The following ZBP1 variants were observed in gnomAD, a reference collection of about 807,000 sequenced individuals.
ZBP1 encodes the protein Z-DNA-binding protein 1.
In ZBP1, 42 loss-of-function variants were observed where a neutral mutation model predicts 41.1. That is an observed-to-expected ratio of 1.02 (90% CI 0.80 to 1.32). The LOEUF is 1.32. Ranked by LOEUF, ZBP1 falls within the 40% of genes most tolerant of loss-of-function variation. ZBP1 has a pLI of 0.00. For synonymous variants in ZBP1, 214 were observed against 205.2 expected (o/e 1.04, Z -0.37); for missense variants, 562 against 549.7 (o/e 1.02, Z -0.22).
At chr20:57,615,456 T>C in intron 3 of ZBP1, 56 bp downstream of exon 3, 1 of 1,580,686 alleles carries the variant, frequency 6.3e-7, no homozygotes, top group Non-Finnish European at 8.7e-7. Flanking sequence ...GGGCCTGGGG[T>C]TCCTGGGGAG....
At position 57,616,320 on chromosome 20, in the gene ZBP1, T is replaced by C; in HGVS notation, c.183A>G (p.Thr61=). 6.2e-7 allele frequency: 1 copy of C among 1,614,156 alleles called. No homozygotes were observed. Among genetic ancestry groups the C allele is most frequent in the Non-Finnish European group, 8.5e-7 (1 of 1,180,018 alleles). ...CGCCCAAGCACCAGGTGGCAGGGGA[T>C]GTGAGGGAGACTTTCAACTCCTTTT... ...RMKKELKVSL[T]SPATWCLGGT... The change falls in exon 2 of 8, where the codon ACA becomes ACG. Residue 61 remains threonine, a synonymous_variant. Coordinates refer to ENST00000371173, the MANE Select transcript of ZBP1 (RefSeq NM_030776.3).
In ZBP1 at chr20:57,620,117, T is replaced by C; in HGVS notation, c.34+145A>G. Reference sequence around the variant, plus strand: ...TCCCAAAGTGCTGGGATTACAGGCGTGAGCCACCACGCCCAGCTGGTCTAC... The same window carrying C: ...TCCCAAAGTGCTGGGATTACAGGCGCGAGCCACCACGCCCAGCTGGTCTAC... On this transcript the variant is annotated intron_variant, in intron 1 of 7. Coordinates refer to ENST00000371173, the MANE Select transcript of ZBP1 (RefSeq NM_030776.3). 14 of 1,001,270 alleles carry C rather than the reference T, an allele frequency of 1.4e-5. No individual in the cohort carries two copies. The South Asian group carries it at 2.0e-4, about 14-fold the overall frequency. The allele number at this position is 1,001,270 out of a possible 1,614,324, so 62.0% of individuals were successfully genotyped here. A position where few individuals can be genotyped will look rare whatever the true frequency, so the allele number is the denominator to read the frequency against.
chr20:57,612,037 G>T, intron 5 of ZBP1, 107 bp from the exon 6 acceptor site: 1 of 1,244,232 alleles, frequency 8.0e-7, no homozygotes, highest in Non-Finnish European at 1.1e-6. Context: ...GGACACCATC[G>T]AACTGGCGGC....
Position 57,611,930 on chromosome 20 carries a change from C to T in ZBP1, c.671G>A (p.Gly224Asp), listed in dbSNP as rs1277001831. Reference protein sequence around the residue: ...ITRQTVSREDGSAGPRHLPSM... With the variant: ...ITRQTVSREDDSAGPRHLPSM... ...AGGGAGGTGGCGTGGACCGGCGGAA[C>T]CTGGCAGGGGACAGTGGCACAGCCT... is the stretch of plus-strand genomic sequence containing the variant. The change falls in exon 6 of 8, where the codon GGT becomes GAT. Residue 224 changes from glycine (G) to aspartate (D), a missense_variant and splice_region_variant. Transcript: ENST00000371173. 2 of 1,554,698 alleles carry T rather than the reference C, an allele frequency of 1.3e-6. No individual in the cohort carries two copies. Among genetic ancestry groups the T allele is most frequent in the East Asian group, 4.8e-5 (2 of 41,260 alleles).
rs6123710 is a variant in ZBP1 at position 57,604,530 on chromosome 20, G to A, written c.*43C>T. On this transcript the variant is annotated 3_prime_UTR_variant, in exon 8 of 8. Transcript: ENST00000371173. Reference sequence around the variant, plus strand: ...CAGCAGGCTAGTCTCCCTAGCATGCGCCCACCCCCAGCCTGTGTCCAAGCC... The same window carrying A: ...CAGCAGGCTAGTCTCCCTAGCATGCACCCACCCCCAGCCTGTGTCCAAGCC... 0.35 allele frequency: 567,923 copies of A among 1,601,728 alleles called. 104,840 individuals are homozygous for A. The highest frequency in any genetic ancestry group is 0.51 in the East Asian group (22,954 of 44,710).
rs1258478732 is a variant in ZBP1, at chr20:57,614,883, C to T, written c.502+4G>A. On this transcript the variant is annotated splice_donor_region_variant and intron_variant, in intron 4 of 7. Transcript: ENST00000371173. ...AGCCCAGACACAGGCAGCCGGGGGC[C>T]TACCTGGGCGGTAAATCGTCCATGC... 2 of 1,614,022 alleles carry T rather than the reference C, an allele frequency of 1.2e-6. No individual in the cohort carries two copies. Among genetic ancestry groups the T allele is most frequent in the African/African-American group, 1.3e-5 (1 of 74,940 alleles).
intron 7 of ZBP1, among the ~76,000 whole-genome samples, chr20:57,605,104 T>A (rs2070462218): frequency 7.8e-6 from 1 of 127,472 alleles, no homozygotes; most frequent in Non-Finnish European, 1.8e-5. Flanking sequence ...AGCAATTTCC[T>A]CAAACAAAAC....
At chr20:57,605,558 C>T (rs904089067) in intron 7 of ZBP1, among the ~76,000 whole-genome samples, 2 of 152,202 alleles carry the variant, frequency 1.3e-5, no homozygotes, top group African/African-American at 2.4e-5. Context: ...TGTCACTGAT[C>T]AGCCATCTCC....
At chr20:57,605,804 C>A (rs2070480365) in intron 7 of ZBP1, among the ~76,000 whole-genome samples, 1 of 152,086 alleles carries the variant, frequency 6.6e-6, no homozygotes, top group Non-Finnish European at 1.5e-5. Flanking sequence ...CGTGGTGGTG[C>A]AGGTCTGTAA....
At chr20:57,619,130 C>T (rs778416841) in intron 1 of ZBP1, among the ~76,000 whole-genome samples, 10 of 152,232 alleles carry the variant, frequency 6.6e-5, no homozygotes, top group South Asian at 2.1e-4. Context: ...GGGCTGAGTC[C>T]GGAACCTGCG....
rs754746401 is a variant in ZBP1 at position 57,614,965 on chromosome 20, G to A, written c.424C>T (p.Arg142Ter). Residue 142 changes from arginine (R) to a stop codon, truncating the protein, a stop_gained, in exon 4 of 8, where the codon CGA becomes TGA. Transcript: ENST00000371173. LOFTEE classifies it high-confidence loss of function. ...LGMRTAKDVN[R>*]DLYRMKSRHL... ...CTGCTCTTCATCCTGTACAAGTCTC[G>A]GTTCACATCTTTTGCTGTCCTCATT... 1.8e-5 allele frequency: 29 copies of A among 1,614,048 alleles called. No homozygotes were observed. The highest frequency in any genetic ancestry group is 4.0e-5 in the African/African-American group (3 of 74,920).
In ZBP1 at chr20:57,610,006, T is replaced by TCTAGA. The variant is rs1175830638; in HGVS notation, c.1093+142_1093+143insTCTAG. 1.7e-4 allele frequency: 152 copies of TCTAGA among 913,956 alleles called. No homozygotes were observed. The African/African-American group carries it at 2.0e-3, about 12-fold the overall frequency. 56.6% of individuals were successfully genotyped at this position (913,956 alleles called of 1,614,324 possible). ...GCCTCCACGCTGACTCTAGAGCTGC[T>TCTAGA]GCTCCTCGCTGTGGGTGGGCACAGC... On this transcript the variant is annotated intron_variant, in intron 7 of 7. Coordinates refer to ENST00000371173, the MANE Select transcript of ZBP1 (RefSeq NM_030776.3). The surrounding 1 kb of genome is among the most constrained non-coding windows in gnomAD (Gnocchi z 5.5).
chr20:57,604,219 C>T lies in ZBP1; in HGVS notation c.*354G>A, dbSNP rs2070438651. ...TTTTGTTGGGACTCAAACATTCAAA[C>T]CACAGCAGGTAGCCATGATGGAAGG... is the stretch of plus-strand genomic sequence containing the variant. On this transcript the variant is annotated 3_prime_UTR_variant, in exon 8 of 8. Coordinates refer to ENST00000371173, the MANE Select transcript of ZBP1 (RefSeq NM_030776.3). 4 of 396,110 alleles carry T rather than the reference C, an allele frequency of 1.0e-5. No homozygotes were observed. The highest frequency in any genetic ancestry group is 8.2e-5 in the South Asian group (4 of 49,006). 24.5% of individuals were successfully genotyped at this position (396,110 alleles called of 1,614,324 possible). A position where few individuals can be genotyped will look rare whatever the true frequency, so the allele number is the denominator to read the frequency against.
Position 57,611,175 on chromosome 20 carries a change from T to C in ZBP1, c.874+552A>G, listed in dbSNP as rs533921363. On this transcript the variant is annotated intron_variant, in intron 6 of 7. Transcript: ENST00000371173. Reference sequence around the variant, plus strand: ...CCCAGCCTCTGCTTCTCTGCTCATTTTACAAATGAGGAAACTGAGGTTTCC... The same window carrying C: ...CCCAGCCTCTGCTTCTCTGCTCATTCTACAAATGAGGAAACTGAGGTTTCC... 7.6e-4 allele frequency among the ~76,000 whole-genome samples: 115 copies of C among 152,296 alleles called. 2 individuals are homozygous for C. Among genetic ancestry groups the C allele is most frequent in the Admixed American group, 3.5e-3 (53 of 15,300 alleles).
At chr20:57,607,431 G>A in intron 7 of ZBP1, 2 of 1,157,298 alleles carry the variant, frequency 1.7e-6, no homozygotes, top group Non-Finnish European at 2.2e-6. Context: ...AAAGAAAGTG[G>A]TTTCTTGAGA....
At position 57,616,487 on chromosome 20, in the gene ZBP1, G is replaced by T. The variant is rs377732862; in HGVS notation, c.35-19C>A. 1 of 1,611,678 alleles carries T rather than the reference G, an allele frequency of 6.2e-7. No individual in the cohort carries two copies. The highest frequency in any genetic ancestry group is 8.5e-7 in the Non-Finnish European group (1 of 1,179,488). ...AGGTGGCCTGGGGGAGCGAGCGGGG[G>T]ACAGAGAGGGGAACTGAGTCTCCCA... is the stretch of plus-strand genomic sequence containing the variant. On this transcript the variant is annotated intron_variant, in intron 1 of 7. Transcript: ENST00000371173.
chr20:57,613,731 G>A lies in ZBP1; in HGVS notation c.503-401C>T, dbSNP rs549165323. On this transcript the variant is annotated intron_variant, in intron 4 of 7. Coordinates refer to ENST00000371173, the MANE Select transcript of ZBP1 (RefSeq NM_030776.3). The surrounding 1 kb of genome is among the most constrained non-coding windows in gnomAD (Gnocchi z 4.5). Reference sequence around the variant, plus strand: ...AGCAGCCCATTGGGCCAGATCGGTCGTGTTTGGCTCCCATGACATTTTCAA... The same window carrying A: ...AGCAGCCCATTGGGCCAGATCGGTCATGTTTGGCTCCCATGACATTTTCAA... Among the ~76,000 whole-genome samples, 12 of 152,342 alleles carry A rather than the reference G, an allele frequency of 7.9e-5. No individual in the cohort carries two copies. Among genetic ancestry groups the A allele is most frequent in the Admixed American group, 2.6e-4 (4 of 15,306 alleles).
chr20:57,604,588 C>G lies in ZBP1; in HGVS notation c.1275G>C (p.Trp425Cys), dbSNP rs773339111. The G allele has an allele frequency of 6.2e-7, 1 of 1,613,788 alleles. No individual in the cohort carries two copies. Among genetic ancestry groups the G allele is most frequent in the South Asian group, 1.1e-5 (1 of 91,038 alleles). Residue 425 changes from tryptophan to cysteine, a missense_variant, in exon 8 of 8, where the codon TGG becomes TGC. Trp to Cys is a radical substitution (Grantham distance 215). Coordinates refer to ENST00000371173, the MANE Select transcript of ZBP1 (RefSeq NM_030776.3). ...VDEASHEGSW[W>C]GGGI ...AGGCTGTGCACTAAATCCCACCTCC[C>G]CACCAGCTCCCCTCGTGTGAGGCTT...
chr20:57,608,831 C>G (rs1050107208), intron 7 of ZBP1, among the ~76,000 whole-genome samples: 1 of 152,246 alleles, frequency 6.6e-6, no homozygotes, highest in African/African-American at 2.4e-5. Flanking sequence ...ACATGCATCC[C>G]CTGGGCCTTC....
Sources: allele counts gnomAD v4.1 joint callset (sites outside exome capture counted in the v4.1 genomes callset), GRCh38; gene constraint gnomAD v4.1.1; non-coding constraint Gnocchi (gnomAD v3.1); transcripts MANE v1.5; gene names NCBI Gene and HGNC (gene_info 2026-07-23, HGNC 2026-07-21).